Variants in COL19A1 observed in about 807,000 individuals in gnomAD.
The protein encoded by COL19A1 is collagen alpha-1(XIX) chain.
In COL19A1, 159 loss-of-function variants were observed where a neutral mutation model predicts 190.2. The ratio of observed to expected loss-of-function variants is 0.84; its 90% CI spans 0.73 to 0.95. COL19A1 has a LOEUF of 0.95. COL19A1 is among the 40% of genes least tolerant of loss of function. The pLI, the probability that COL19A1 is intolerant of heterozygous loss-of-function variation, is 0.00. For synonymous variants in COL19A1, 509 were observed against 458.9 expected, an observed-to-expected ratio of 1.11 and a Z score of -1.39; for missense variants, 1,418 against 1,431.9, an observed-to-expected ratio of 0.99 and a Z score of 0.16.
chr6:70,157,082 T>C (rs980145588), intron 34 of COL19A1, among the ~76,000 whole-genome samples: 1 of 152,018 alleles, frequency 6.6e-6, no homozygotes, highest in Non-Finnish European at 1.5e-5. Flanking sequence ...AAAGGAATAG[T>C]AGTTGGACAA....
chr6:70,093,274 G>T (rs1273439838), intron 15 of COL19A1, among the ~76,000 whole-genome samples: 1 of 152,084 alleles, frequency 6.6e-6, no homozygotes, highest in Non-Finnish European at 1.5e-5. Flanking sequence ...TTCACAATGA[G>T]CTTTCAGCTT....
intron 16 of COL19A1, among the ~76,000 whole-genome samples, chr6:70,121,492 G>T (rs550842946): frequency 9.5e-4 from 145 of 152,172 alleles, no homozygotes; most frequent in Non-Finnish European, 1.1e-3. Context: ...ATAACATGTG[G>T]GAACACACAG....
chr6:69,945,059 GA>G (rs2150028941), intron 9 of COL19A1, among the ~76,000 whole-genome samples: 1 of 151,888 alleles, frequency 6.6e-6, no homozygotes, highest in African/African-American at 2.4e-5. Flanking sequence ...ACCCATTTCA[GA>G]GCTGAAATTC....
chr6:70,022,226 T>C (rs961937675), intron 11 of COL19A1, among the ~76,000 whole-genome samples: 1 of 152,274 alleles, frequency 6.6e-6, no homozygotes, highest in Middle Eastern at 3.4e-3. Flanking sequence ...TTATTACTAC[T>C]ACTAACTTCA....
intron 14 of COL19A1, among the ~76,000 whole-genome samples, chr6:70,044,402 G>A (rs1484772335): frequency 2.6e-5 from 4 of 152,148 alleles, no homozygotes; most frequent in Admixed American, 2.6e-4. Context: ...GAGGGACCTG[G>A]CTTTTGCATT....
intron 11 of COL19A1, among the ~76,000 whole-genome samples, chr6:70,020,867 G>A (rs573275678): frequency 6.6e-6 from 1 of 152,208 alleles, no homozygotes; most frequent in Admixed American, 6.5e-5. Flanking sequence ...ATAGATAAAT[G>A]TATAGAAGAT....
intron 15 of COL19A1, among the ~76,000 whole-genome samples, chr6:70,072,395 A>G (rs1028127028): frequency 1.3e-5 from 2 of 152,194 alleles, no homozygotes; most frequent in Non-Finnish European, 2.9e-5. Context: ...AAAGACATTT[A>G]CTGGTGAATC....
chr6:69,922,671 G>C (rs1199010158), intron 4 of COL19A1, among the ~76,000 whole-genome samples: 1 of 151,852 alleles, frequency 6.6e-6, no homozygotes, highest in African/African-American at 2.4e-5. Context: ...AGTAGAAATG[G>C]GGTTTCACTA....
At chr6:69,951,315 T>C (rs1344795587) in intron 9 of COL19A1, among the ~76,000 whole-genome samples, 1 of 151,930 alleles carries the variant, frequency 6.6e-6, no homozygotes, top group Non-Finnish European at 1.5e-5. Flanking sequence ...ATCTTAAGGA[T>C]TAAATAAGAT....
intron 5 of COL19A1, among the ~76,000 whole-genome samples, chr6:69,928,716 T>C (rs940526320): frequency 2.0e-5 from 3 of 152,034 alleles, no homozygotes; most frequent in Non-Finnish European, 4.4e-5. Context: ...TAGGAGAGCA[T>C]ATAGAAGAGA....
At chr6:70,033,518 C>G (rs1349300306) in intron 12 of COL19A1, among the ~76,000 whole-genome samples, 10 of 152,024 alleles carry the variant, frequency 6.6e-5, no homozygotes, top group Admixed American at 6.6e-4. Context: ...ATTCATGCAG[C>G]TGTAGAGCTG....
In COL19A1 at chr6:69,888,777, CAAA is replaced by C. The variant is rs35211332; in HGVS notation, c.91+9135_91+9137del. On this transcript the variant is annotated intron_variant, in intron 2 of 50. Coordinates refer to ENST00000620364, the MANE Select transcript of COL19A1 (RefSeq NM_001858.6). ...TGGTCGACAGAGTGAGACTCTAGCT[CAAA>C]AAAAAAAAAAAAAAAGCAGTGTTCC... Among the ~76,000 whole-genome samples, 520 of 126,186 alleles carry C rather than the reference CAAA, an allele frequency of 4.1e-3. 3 individuals carry two copies. Among genetic ancestry groups the C allele is most frequent in the Admixed American group, 8.1e-3 (100 of 12,418 alleles). 82.8% of individuals were successfully genotyped at this position (126,186 alleles called of 152,430 possible). A position where few individuals can be genotyped will look rare whatever the true frequency, so the allele number is the denominator to read the frequency against.
intron 14 of COL19A1, among the ~76,000 whole-genome samples, chr6:70,057,795 A>G (rs1376296454): frequency 2.0e-5 from 3 of 152,090 alleles, no homozygotes; most frequent in Non-Finnish European, 4.4e-5. Context: ...GATGAAGAAT[A>G]TTATCTAAAT....
At chr6:70,173,800 G>A (rs1200929836) in intron 41 of COL19A1, among the ~76,000 whole-genome samples, 5 of 152,166 alleles carry the variant, frequency 3.3e-5, no homozygotes, top group African/African-American at 1.2e-4. Flanking sequence ...AGGAAGTAGG[G>A]TCGAGGTTTT....
intron 13 of COL19A1, among the ~76,000 whole-genome samples, chr6:70,034,689 A>G (rs1779255210): frequency 6.6e-6 from 1 of 152,184 alleles, no homozygotes; most frequent in Non-Finnish European, 1.5e-5. Flanking sequence ...TAATTTAACT[A>G]TTCCATTTTC....
At chr6:70,201,193 G>A (rs1244824207) in intron 49 of COL19A1, among the ~76,000 whole-genome samples, 3 of 152,202 alleles carry the variant, frequency 2.0e-5, no homozygotes, top group Non-Finnish European at 4.4e-5. Context: ...CCTTCAAACA[G>A]TGGTGGTTTG....
At chr6:70,002,232 A>C (rs185665636) in intron 11 of COL19A1, among the ~76,000 whole-genome samples, 4 of 152,236 alleles carry the variant, frequency 2.6e-5, no homozygotes, top group African/African-American at 9.6e-5. Context: ...ATCATGGTGG[A>C]TACGTTTTTT....
intron 27 of COL19A1, 25 bp from the exon 28 acceptor site, chr6:70,149,679 A>G (rs1562221302): frequency 6.2e-6 from 10 of 1,611,018 alleles, no homozygotes; most frequent in South Asian, 1.1e-5. Flanking sequence ...TGGAATTTTA[A>G]TAATAAAATC....
At chr6:69,999,655 G>T (rs1777128853) in intron 11 of COL19A1, among the ~76,000 whole-genome samples, 1 of 152,132 alleles carries the variant, frequency 6.6e-6, no homozygotes, top group African/African-American at 2.4e-5. Flanking sequence ...ACTGAAATTT[G>T]TAAATACATT....
Sources: allele counts gnomAD v4.1 joint callset (sites outside exome capture counted in the v4.1 genomes callset), GRCh38; gene constraint gnomAD v4.1.1; transcripts MANE v1.5; gene names NCBI Gene and HGNC (gene_info 2026-07-23, HGNC 2026-07-21).